Variants in RNF19B observed in about 807,000 individuals in gnomAD.
The protein encoded by RNF19B is E3 ubiquitin-protein ligase RNF19B.
A neutral mutation model predicts 65.5 loss-of-function variants in RNF19B; 23 were observed. The observed-to-expected ratio is 0.35, with a 90% CI of 0.25 to 0.50. RNF19B has a LOEUF of 0.50. Among genes scored for constraint, RNF19B ranks in the 20% least tolerant of loss-of-function variants. The pLI is 0.98. For missense variants in RNF19B, 794 were observed against 980.0 expected, an observed-to-expected ratio of 0.81 and a Z score of 2.53; for synonymous variants, 372 against 379.6, an observed-to-expected ratio of 0.98 and a Z score of 0.23.
chr1:32,948,028 T>C (rs556417368), intron 3 of RNF19B, among the ~76,000 whole-genome samples, 194 bp downstream of exon 3: 7 of 152,200 alleles, frequency 4.6e-5, no homozygotes, highest in African/African-American at 1.7e-4. Flanking sequence ...AGACTACCTG[T>C]AATATGGCAA....
chr1:32,959,762 G>A (rs1401617571), intron 1 of RNF19B, among the ~76,000 whole-genome samples: 4 of 151,974 alleles, frequency 2.6e-5, no homozygotes, highest in Non-Finnish European at 5.9e-5. Context: ...GTGAGGCCGG[G>A]CACAGTGGCT....
At chr1:32,944,323 A>G (rs1642314147) in intron 5 of RNF19B, among the ~76,000 whole-genome samples, 164 bp from the exon 6 acceptor site, 1 of 152,234 alleles carries the variant, frequency 6.6e-6, no homozygotes, top group African/African-American at 2.4e-5. Context: ...ACCAGGCTAG[A>G]AATCAGAAAG....
chr1:32,937,950 C>T (rs573459145), intron 8 of RNF19B, among the ~76,000 whole-genome samples: 1 of 151,654 alleles, frequency 6.6e-6, no homozygotes, highest in Non-Finnish European at 1.5e-5. Context: ...AGCCAGAATA[C>T]CTACTAGTGG....
rs769198911 is a variant in RNF19B at position 32,964,580 on chromosome 1, G to C, written c.106C>G (p.His36Asp). The stretch of plus-strand genomic sequence containing the variant: ...CGGGCCGAGGCAGAGAAGACGCTGT[G>C]CAAGGTGAGGCGCCGGCGCCGGCCG... ...SGGRRRRLTL[H>D]SVFSASARGR... Residue 36 changes from histidine to aspartate, a missense_variant, in exon 1 of 9, where the codon CAC becomes GAC. By Grantham distance (81) the His-to-Asp change is moderately conservative. Around this residue, in one of 3 missense-constraint regions of RNF19B, gnomAD observed 374 missense variants for 423.8 expected, o/e 0.88. Coordinates refer to ENST00000235150, the MANE Select transcript of RNF19B (RefSeq NM_001300826.2). The surrounding 1 kb of genome is among the most constrained non-coding windows in gnomAD (Gnocchi z 6.5). The C allele has an allele frequency of 1.4e-6, 2 of 1,435,988 alleles. No individual in the cohort carries two copies. The highest frequency in any genetic ancestry group is 2.6e-5 in the South Asian group (2 of 76,448). The allele number at this position is 1,435,988 out of a possible 1,614,324, so 89.0% of individuals were successfully genotyped here.
downstream of RNF19B, among the ~76,000 whole-genome samples, chr1:32,931,711 T>C (rs974570998): frequency 3.3e-5 from 5 of 152,252 alleles, no homozygotes; most frequent in Non-Finnish European, 7.3e-5. Context: ...TCCCATACTA[T>C]GCCTTGAGCT....
intron 7 of RNF19B, among the ~76,000 whole-genome samples, chr1:32,939,692 A>G (rs1642186604): frequency 1.3e-5 from 2 of 152,356 alleles, no homozygotes; most frequent in South Asian, 2.1e-4. Context: ...CTCAGAGCCC[A>G]TAACTATTGC....
At chr1:32,954,187 C>T (rs1034896907) in intron 1 of RNF19B, among the ~76,000 whole-genome samples, 1 of 151,068 alleles carries the variant, frequency 6.6e-6, no homozygotes, top group African/African-American at 2.4e-5. Context: ...GCTGGGATTA[C>T]AAGTGTGAGC....
the RNF19B span, among the ~76,000 whole-genome samples, chr1:32,929,595 T>C: frequency 7.2e-5 from 11 of 152,274 alleles, no homozygotes; most frequent in African/African-American, 2.4e-4. Context: ...TGGCTTAAGA[T>C]CCCTTTGGGG....
chr1:32,930,903 C>A, the RNF19B span, among the ~76,000 whole-genome samples: 1 of 152,140 alleles, frequency 6.6e-6, no homozygotes, highest in Non-Finnish European at 1.5e-5. Context: ...GCCTGGCCAA[C>A]ATGGTGAAAC....
rs1413474506 is a variant in RNF19B, at chr1:32,944,091, C to T, written c.1330G>A (p.Gly444Ser). The T allele has an allele frequency of 3.1e-6, 5 of 1,613,856 alleles. No individual in the cohort carries two copies. Among genetic ancestry groups the T allele is most frequent in the Non-Finnish European group, 4.2e-6 (5 of 1,179,954 alleles). ...VVPISLCRGG[G>S]CGVSTANGKG... is the part of the protein sequence containing the mutation. Reference sequence around the variant, plus strand: ...CCGTTGGCTGTGCTAACTCCACAGCCGCCTCCACGACAAAGAGAAATGGGC... The same window carrying T: ...CCGTTGGCTGTGCTAACTCCACAGCTGCCTCCACGACAAAGAGAAATGGGC... The change falls in exon 6 of 9, where the codon GGC (glycine) becomes AGC (serine). Residue 444 changes from glycine to serine, a missense_variant. Gly to Ser is a moderately conservative substitution (Grantham distance 56, BLOSUM62 0). Around this residue, in one of 3 missense-constraint regions of RNF19B, gnomAD observed 368 missense variants for 447.3 expected, o/e 0.82. Transcript: ENST00000235150.
downstream of RNF19B, among the ~76,000 whole-genome samples, chr1:32,934,659 G>A (rs920813634): frequency 2.0e-5 from 3 of 151,876 alleles, no homozygotes; most frequent in African/African-American, 7.3e-5. Flanking sequence ...CCAGTCTGGG[G>A]GACAGAGCCA....
rs1445549818 is a variant in RNF19B at position 32,946,531 on chromosome 1, T to A, written c.1017A>T (p.Pro339=). The part of the protein sequence containing the change: ...PSGCTFWGKK[P]WSRKKKILWQ... The stretch of plus-strand genomic sequence containing the variant: ...AAAGAATTTTCTTCTTACGGCTCCA[T>A]GGCTTCTTGCCCCAGAATGTACAGC... The change falls in exon 4 of 9, where the codon CCA becomes CCT. Residue 339 remains proline (P), a synonymous_variant. Transcript: ENST00000235150. 1 of 1,614,138 alleles carries A rather than the reference T, an allele frequency of 6.2e-7. No individual in the cohort carries two copies. The highest frequency in any genetic ancestry group is 8.5e-7 in the Non-Finnish European group (1 of 1,180,008).
At chr1:32,937,715 A>C (rs535663788) in intron 8 of RNF19B, among the ~76,000 whole-genome samples, 2 of 152,258 alleles carry the variant, frequency 1.3e-5, no homozygotes, top group Admixed American at 1.3e-4. Flanking sequence ...TCTCTAAAAA[A>C]ACAAAAATAA....
chr1:32,949,168 C>T (rs1397707838), intron 2 of RNF19B, among the ~76,000 whole-genome samples: 1 of 152,176 alleles, frequency 6.6e-6, no homozygotes, highest in Non-Finnish European at 1.5e-5. Context: ...TCAATCTGTA[C>T]TCTACTTCCA....
chr1:32,940,723 G>A (rs957890955), intron 7 of RNF19B, among the ~76,000 whole-genome samples: 31 of 151,982 alleles, frequency 2.0e-4, no homozygotes, highest in African/African-American at 6.5e-4. Flanking sequence ...CCCTCCCTAG[G>A]CCTTTCTTCT....
Position 32,937,008 on chromosome 1 carries a change from T to C in RNF19B, c.1994A>G (p.Asp665Gly). 1 of 1,614,176 alleles carries C rather than the reference T, an allele frequency of 6.2e-7. No homozygotes were observed. The highest frequency in any genetic ancestry group is 1.7e-5 in the Admixed American group (1 of 60,026). The change falls in exon 9 of 9, where the codon GAC (aspartate) becomes GGC (glycine). Residue 665 changes from aspartate to glycine, a missense_variant. Physicochemically the swap from Asp to Gly is moderately conservative, Grantham distance 94 (BLOSUM62 -1). Around this residue, in one of 3 missense-constraint regions of RNF19B, gnomAD observed 368 missense variants for 447.3 expected, o/e 0.82. Transcript: ENST00000235150. ...TGACTGTGCATCAGAACTCTCTAGG[T>C]CACTGCGGATGCTTTCAGGCTGGGC... ...SLAQPESIRS[D>G]LESSDAQSDD... is the part of the protein sequence containing the mutation.
At chr1:32,960,363 C>G (rs538718067) in intron 1 of RNF19B, among the ~76,000 whole-genome samples, 1 of 152,170 alleles carries the variant, frequency 6.6e-6, no homozygotes, top group African/African-American at 2.4e-5. Flanking sequence ...TATCTGTGGG[C>G]AGTAAAGATG....
intron 4 of RNF19B, among the ~76,000 whole-genome samples, 157 bp downstream of exon 4, chr1:32,946,245 G>A (rs937636989): frequency 2.0e-5 from 3 of 152,142 alleles, no homozygotes; most frequent in African/African-American, 7.2e-5. Context: ...TCTCATGGGG[G>A]TTTATGAAAA....
At chr1:32,943,977 T>TATATC in intron 6 of RNF19B, 42 bp downstream of exon 6, 2 of 1,572,614 alleles carry the variant, frequency 1.3e-6, no homozygotes, top group Non-Finnish European at 1.7e-6. Flanking sequence ...TTTTATCTTG[T>TATATC]ATATCATAAA....
Sources: gnomAD v4.1 joint callset for allele counts (sites outside exome capture counted in the v4.1 genomes callset) on GRCh38, gnomAD v4.1.1 for gene constraint, gnomAD v4.1.1 regional missense constraint, Gnocchi (gnomAD v3.1) non-coding constraint, MANE v1.5 for transcripts, NCBI Gene and HGNC (gene_info 2026-07-23, HGNC 2026-07-21) for gene names.